Variants in WDSUB1 observed in about 807,000 individuals in gnomAD.
The protein encoded by WDSUB1 is WD repeat, SAM and U-box domain-containing protein 1.
In WDSUB1, 49 loss-of-function variants were observed where a neutral mutation model predicts 53.9. The observed-to-expected ratio is 0.91, with a 90% confidence interval of 0.72 to 1.15. The LOEUF (loss-of-function observed/expected upper bound fraction) is 1.15. Among genes scored for constraint, WDSUB1 ranks in the 50% most tolerant of loss-of-function variants. The pLI, the probability that WDSUB1 is intolerant of heterozygous loss-of-function variation, is 0.00. For missense variants in WDSUB1, 514 were observed against 562.0 expected (o/e 0.91, Z 0.86); for synonymous variants, 194 against 200.6 (o/e 0.97, Z 0.28).
At chr2:159,261,870 AT>A (rs2061205847) in intron 5 of WDSUB1, among the ~76,000 whole-genome samples, 1 of 14,088 alleles carries the variant, frequency 7.1e-5, no homozygotes, top group African/African-American at 4.1e-4. Flanking sequence ...ATATATATAT[AT>A]ATATATATAT....
Position 159,236,063 on chromosome 2 carries a change from G to A in WDSUB1, c.1401C>T (p.Ile467=). The part of the protein sequence containing the change: ...LTPNRTLKMA[I]NRWLETHQK The stretch of plus-strand genomic sequence containing the variant: ...TTTGGTGTGTCTCCAGCCATCTATT[G>A]ATGGCCATTTTCAGAGTCCTATTTG... Residue 467 remains isoleucine, a synonymous_variant, in exon 11 of 11, where the codon ATC becomes ATT. Transcript: ENST00000359774. The A allele has an allele frequency of 6.2e-7, 1 of 1,610,542 alleles. No individual in the cohort carries two copies. Among genetic ancestry groups the A allele is most frequent in the Non-Finnish European group, 8.5e-7 (1 of 1,179,106 alleles).
chr2:159,247,909 AAAT>A (rs1559532043), intron 10 of WDSUB1, among the ~76,000 whole-genome samples: 9 of 17,448 alleles, frequency 5.2e-4, no homozygotes, highest in East Asian at 4.0e-3. Context: ...ATATATATAT[AAAT>A]ATATATATAT....
At position 159,261,874 on chromosome 2, in the gene WDSUB1, ATATATATATATATATATATATATTTTTT is replaced by A. The variant is rs1575465055; in HGVS notation, c.771-2059_771-2032del. ...TATATATATATATATATATATATAT[ATATATATATATATATATATATATTTTTT>A]TTTTTTTTTTTTTTTTTTTTTTTTT... is the stretch of plus-strand genomic sequence containing the variant. On this transcript the variant is annotated intron_variant, in intron 5 of 10. Coordinates refer to ENST00000359774, the MANE Select transcript of WDSUB1 (RefSeq NM_001128212.3). Among the ~76,000 whole-genome samples the A allele has an allele frequency of 2.3e-3, 33 of 14,102 alleles. 1 individual carries two copies. The highest frequency in any genetic ancestry group is 2.9e-3 in the South Asian group (1 of 348). The allele number at this position is 14,102 out of a possible 152,430, so 9.3% of individuals were successfully genotyped here. A position where few individuals can be genotyped will look rare whatever the true frequency, so the allele number is the denominator to read the frequency against.
chr2:159,242,776 C>T (rs2060690283), intron 10 of WDSUB1, among the ~76,000 whole-genome samples: 1 of 148,040 alleles, frequency 6.8e-6, no homozygotes, highest in Non-Finnish European at 1.5e-5. Context: ...AGAAGAGCCC[C>T]CATTTTTAAA....
chr2:159,250,472 G>A (rs780945392), intron 9 of WDSUB1, among the ~76,000 whole-genome samples: 7 of 152,180 alleles, frequency 4.6e-5, no homozygotes, highest in African/African-American at 1.4e-4. Flanking sequence ...ACTCAAAAGT[G>A]CTTAGTTAGG....
chr2:159,251,692 C>T (rs548636613), intron 9 of WDSUB1, among the ~76,000 whole-genome samples: 52 of 152,310 alleles, frequency 3.4e-4, no homozygotes, highest in African/African-American at 1.1e-3. Context: ...CCTGAAAAGA[C>T]ATCTTGATGA....
intron 9 of WDSUB1, among the ~76,000 whole-genome samples, chr2:159,251,701 G>T (rs2060954672): frequency 6.6e-6 from 1 of 152,172 alleles, no homozygotes; most frequent in South Asian, 2.1e-4. Context: ...ACATCTTGAT[G>T]ACAAGTTAAA....
At chr2:159,284,287 T>C (rs528217225) in intron 1 of WDSUB1, among the ~76,000 whole-genome samples, 26 of 152,366 alleles carry the variant, frequency 1.7e-4, no homozygotes, top group African/African-American at 6.3e-4. Context: ...ACTGATTTGA[T>C]GTTGAGCTTT....
intron 6 of WDSUB1, among the ~76,000 whole-genome samples, chr2:159,259,542 G>GT (rs1319614197): frequency 4.6e-5 from 7 of 152,192 alleles, no homozygotes; most frequent in Admixed American, 1.3e-4. Context: ...TGTATGTGAT[G>GT]TTTTGAACAC....
Position 159,267,604 on chromosome 2 carries a change from C to T in WDSUB1, c.770+4098G>A, listed in dbSNP as rs2061370298. ...ACAGGCATGAGCTCCACACCCAGCC[C>T]TTAGTACACAATACTGACCTACAAC... is the stretch of plus-strand genomic sequence containing the variant. On this transcript the variant is annotated intron_variant, in intron 5 of 10. Coordinates refer to ENST00000359774, the MANE Select transcript of WDSUB1 (RefSeq NM_001128212.3). Among the ~76,000 whole-genome samples, 3 of 152,280 alleles carry T rather than the reference C, an allele frequency of 2.0e-5. No individual in the cohort carries two copies. The South Asian group carries it at 6.2e-4, about 32-fold the overall frequency.
At chr2:159,261,930 A>T (rs1464144344) in intron 5 of WDSUB1, among the ~76,000 whole-genome samples, 4 of 94,338 alleles carry the variant, frequency 4.2e-5, no homozygotes, top group East Asian at 9.0e-4. Flanking sequence ...TTTTTTTTTT[A>T]AATAAATGAA....
chr2:159,263,439 A>G (rs949348604), intron 5 of WDSUB1, among the ~76,000 whole-genome samples: 1 of 152,238 alleles, frequency 6.6e-6, no homozygotes, highest in Admixed American at 6.5e-5. Flanking sequence ...GAAGGTGAAG[A>G]TTAATATAGA....
chr2:159,256,045 T>C (rs2061054545), intron 9 of WDSUB1, 151 bp downstream of exon 9: 4 of 649,870 alleles, frequency 6.2e-6, no homozygotes, highest in Non-Finnish European at 9.8e-6. Flanking sequence ...GAAATTCCAC[T>C]TCACAGCTGC....
At chr2:159,251,579 C>T (rs545023259) in intron 9 of WDSUB1, among the ~76,000 whole-genome samples, 9 of 152,228 alleles carry the variant, frequency 5.9e-5, no homozygotes, top group Non-Finnish European at 1.0e-4. Context: ...AAGAATAAGT[C>T]TTATACACTT....
chr2:159,257,986 C>G lies in WDSUB1; in HGVS notation c.805-1G>C. The G allele has an allele frequency of 1.2e-6, 2 of 1,612,068 alleles. No homozygotes were observed. Among genetic ancestry groups the G allele is most frequent in the Non-Finnish European group, 1.7e-6 (2 of 1,179,546 alleles). ...ATGTGTGAAGTATATTCTCAGTATTCTGAAAAACAATAAAAACAGCTTTAA... is the reference window on the plus strand; with the variant it reads ...ATGTGTGAAGTATATTCTCAGTATTGTGAAAAACAATAAAAACAGCTTTAA... On this transcript the variant is annotated splice_acceptor_variant, in intron 6 of 10. Transcript: ENST00000359774. LOFTEE classifies it high-confidence loss of function.
At chr2:159,249,443 TAGA>T (rs760979695) in intron 9 of WDSUB1, among the ~76,000 whole-genome samples, 2 of 152,348 alleles carry the variant, frequency 1.3e-5, no homozygotes. Context: ...TTGAAGTGGG[TAGA>T]AGAATTAGAT....
At chr2:159,281,834 G>A (rs1234956147) in intron 2 of WDSUB1, among the ~76,000 whole-genome samples, 2 of 152,106 alleles carry the variant, frequency 1.3e-5, no homozygotes, top group East Asian at 3.9e-4. Context: ...AAAACTGGCT[G>A]GGCATGGTGG....
In WDSUB1 at chr2:159,248,326, T is replaced by C. The variant is rs201306920; in HGVS notation, c.1273+46A>G. 455 of 1,590,010 alleles carry C rather than the reference T, an allele frequency of 2.9e-4. 1 individual carries two copies. Among genetic ancestry groups the C allele is most frequent in the Admixed American group, 2.9e-4 (16 of 54,406 alleles). On this transcript the variant is annotated intron_variant, in intron 10 of 10. Coordinates refer to ENST00000359774, the MANE Select transcript of WDSUB1 (RefSeq NM_001128212.3). ...GAGAACTGTCTAAACTTTTTATTCA[T>C]TTAGCACAAAACATCCCCTGCAACT...
chr2:159,248,260 GA>G, intron 10 of WDSUB1, 111 bp downstream of exon 10: 1 of 1,317,682 alleles, frequency 7.6e-7, no homozygotes, highest in South Asian at 1.4e-5. Flanking sequence ...ATTAGTTTAA[GA>G]AAAAACTACT....
Sources: allele counts gnomAD v4.1 joint callset (sites outside exome capture counted in the v4.1 genomes callset), GRCh38; gene constraint gnomAD v4.1.1; transcripts MANE v1.5; gene names NCBI Gene and HGNC (gene_info 2026-07-23, HGNC 2026-07-21).